Variants in CCDC93 observed in about 807,000 individuals in gnomAD.
The protein encoded by CCDC93 is CCC complex scaffolding subunit CCDC93.
In CCDC93, 61 loss-of-function variants were observed where a neutral mutation model predicts 108.2. The observed-to-expected ratio is 0.56, with a 90% confidence interval of 0.46 to 0.70. CCDC93 has a LOEUF of 0.70. Among genes scored for constraint, CCDC93 ranks in the 30% least tolerant of loss-of-function variants. The pLI is 0.00. For missense variants in CCDC93, 685 were observed against 764.2 expected (o/e 0.90, Z 1.22); for synonymous variants, 276 against 260.4 (o/e 1.06, Z -0.58).
intron 22 of CCDC93, among the ~76,000 whole-genome samples, chr2:117,932,428 T>C (rs1678371625): frequency 6.6e-6 from 1 of 152,218 alleles, no homozygotes; most frequent in Non-Finnish European, 1.5e-5. Context: ...AAATGCAACT[T>C]GGTGTCCCCA....
At chr2:117,995,208 T>C (rs144070137) in intron 6 of CCDC93, among the ~76,000 whole-genome samples, 1,864 of 152,280 alleles carry the variant, frequency 0.012, 35 homozygotes, top group East Asian at 0.059. Context: ...TGGCTATTCC[T>C]CCCTTAAAAG....
At position 117,919,619 on chromosome 2, in the gene CCDC93, A is replaced by T. The variant is rs1677795685; in HGVS notation, c.*724T>A. Reference sequence around the variant, plus strand: ...GCAGGGGAAGGTATAATTTTTATTGACGTGTCCTCAGCACAAGGTCTGTTT... The same window carrying T: ...GCAGGGGAAGGTATAATTTTTATTGTCGTGTCCTCAGCACAAGGTCTGTTT... On this transcript the variant is annotated 3_prime_UTR_variant, in exon 24 of 24. Coordinates refer to ENST00000376300, the MANE Select transcript of CCDC93 (RefSeq NM_019044.5). 2 of 152,196 alleles carry T rather than the reference A, an allele frequency of 1.3e-5. No individual in the cohort carries two copies. The highest frequency in any genetic ancestry group is 4.8e-5 in the African/African-American group (2 of 41,462). The allele number at this position is 152,196 out of a possible 1,614,324, so 9.4% of individuals were successfully genotyped here.
Position 117,920,157 on chromosome 2 carries a change from C to T in CCDC93, c.*186G>A. Reference sequence around the variant, plus strand: ...GTTATCCAAGCCACGTGTTTACTGTCTGACTCCATCAACAGCAGCCAACAG... The same window carrying T: ...GTTATCCAAGCCACGTGTTTACTGTTTGACTCCATCAACAGCAGCCAACAG... On this transcript the variant is annotated 3_prime_UTR_variant, in exon 24 of 24. Coordinates refer to ENST00000376300, the MANE Select transcript of CCDC93 (RefSeq NM_019044.5). 1.9e-6 allele frequency: 1 copy of T among 524,738 alleles called. No individual in the cohort carries two copies. The highest frequency in any genetic ancestry group is 2.8e-5 in the South Asian group (1 of 36,112). 32.5% of individuals were successfully genotyped at this position (524,738 alleles called of 1,614,324 possible).
chr2:117,975,087 TG>T (rs1203642033), intron 9 of CCDC93, 100 bp downstream of exon 9: 1 of 1,112,810 alleles, frequency 9.0e-7, no homozygotes, highest in African/African-American at 1.5e-5. Context: ...AGCAGCTGGC[TG>T]TGGGAGGTGG....
In CCDC93 at chr2:117,948,211, A is replaced by T. The variant is rs758300046; in HGVS notation, c.1143-25T>A. Reference sequence around the variant, plus strand: ...ACTGAAGAGAAAAGACAAAAAAATGACATATGGCAGGCCATTATGATTTTA... The same window carrying T: ...ACTGAAGAGAAAAGACAAAAAAATGTCATATGGCAGGCCATTATGATTTTA... On this transcript the variant is annotated intron_variant, in intron 14 of 23. Coordinates refer to ENST00000376300, the MANE Select transcript of CCDC93 (RefSeq NM_019044.5). 6 of 1,542,816 alleles carry T rather than the reference A, an allele frequency of 3.9e-6. No individual in the cohort carries two copies. The African/African-American group carries it at 8.2e-5, about 21-fold the overall frequency.
At chr2:117,949,696 T>C (rs1678990854) in intron 13 of CCDC93, 7 of 929,730 alleles carry the variant, frequency 7.5e-6, no homozygotes, top group East Asian at 1.2e-4. Flanking sequence ...GTGTTACTTA[T>C]TCAAAAATTA....
intron 11 of CCDC93, among the ~76,000 whole-genome samples, chr2:117,967,453 T>C (rs1288966864): frequency 6.6e-6 from 1 of 152,208 alleles, no homozygotes; most frequent in Non-Finnish European, 1.5e-5. Context: ...ATTTTCACTT[T>C]CTCTTGTTTC....
In CCDC93 at chr2:118,014,041, T is replaced by C. The variant is rs1426738600; in HGVS notation, c.-46A>G. The C allele has an allele frequency of 3.2e-6, 5 of 1,577,972 alleles. No homozygotes were observed. Among genetic ancestry groups the C allele is most frequent in the Non-Finnish European group, 4.3e-6 (5 of 1,163,026 alleles). ...AGGCGAGAGCGAAGCCCGCCAAGCG[T>C]CCGGAGGAAGCTGTCCCTGCCGCGG... On this transcript the variant is annotated 5_prime_UTR_variant, in exon 1 of 24. Coordinates refer to ENST00000376300, the MANE Select transcript of CCDC93 (RefSeq NM_019044.5).
At chr2:117,931,813 A>C (rs1190550701) in intron 22 of CCDC93, 1 of 152,228 alleles carries the variant, frequency 6.6e-6, no homozygotes, top group Admixed American at 6.5e-5. Flanking sequence ...TGATCTCATA[A>C]ATAGATGCTA....
chr2:117,931,974 G>A (rs1678349801), intron 22 of CCDC93, among the ~76,000 whole-genome samples: 1 of 152,168 alleles, frequency 6.6e-6, no homozygotes, highest in South Asian at 2.1e-4. Context: ...TTCACATTAA[G>A]CAAGCACCCT....
intron 23 of CCDC93, among the ~76,000 whole-genome samples, chr2:117,928,634 A>C (rs1197152943): frequency 6.6e-6 from 1 of 152,208 alleles, no homozygotes; most frequent in African/African-American, 2.4e-5. Flanking sequence ...GTATGTGGAG[A>C]AATAGGAACA....
chr2:117,920,332 G>C lies in CCDC93; in HGVS notation c.*11C>G. The stretch of plus-strand genomic sequence containing the variant: ...GTAAAATCAATGACATACAGCCACG[G>C]CTGGGGATGTTCAGGAGGCCTTCGC... On this transcript the variant is annotated 3_prime_UTR_variant, in exon 24 of 24. Coordinates refer to ENST00000376300, the MANE Select transcript of CCDC93 (RefSeq NM_019044.5). 6.2e-7 allele frequency: 1 copy of C among 1,606,394 alleles called. No homozygotes were observed.
chr2:117,933,146 G>C (rs144625367), intron 22 of CCDC93, among the ~76,000 whole-genome samples: 1 of 152,172 alleles, frequency 6.6e-6, no homozygotes, highest in Non-Finnish European at 1.5e-5. Context: ...TGAATGCTAC[G>C]TCCTTTAGCT....
intron 13 of CCDC93, among the ~76,000 whole-genome samples, chr2:117,951,885 C>T (rs1015229502): frequency 6.6e-6 from 1 of 152,160 alleles, no homozygotes; most frequent in Non-Finnish European, 1.5e-5. Flanking sequence ...CCTCCTTCTC[C>T]TCCTGCAGCC....
rs1047784252 is a variant in CCDC93, at chr2:117,918,524, T to C, written c.*1819A>G. 1 of 152,206 alleles carries C rather than the reference T, an allele frequency of 6.6e-6. No homozygotes were observed. Among genetic ancestry groups the C allele is most frequent in the Non-Finnish European group, 1.5e-5 (1 of 68,042 alleles). The allele number at this position is 152,206 out of a possible 1,614,324, so 9.4% of individuals were successfully genotyped here. ...ATGTCATCTGCCTCCCTACCACCTT[T>C]GGACAAATATTCAAATAACTGCCCC... On this transcript the variant is annotated 3_prime_UTR_variant, in exon 24 of 24. Coordinates refer to ENST00000376300, the MANE Select transcript of CCDC93 (RefSeq NM_019044.5).
intron 3 of CCDC93, among the ~76,000 whole-genome samples, chr2:118,006,205 G>A (rs1035132282): frequency 1.4e-4 from 22 of 152,254 alleles, no homozygotes; most frequent in African/African-American, 3.6e-4. Flanking sequence ...CTCTTCTGAC[G>A]GATAAAAGAA....
At chr2:117,959,442 T>G (rs1177349249) in intron 11 of CCDC93, among the ~76,000 whole-genome samples, 1 of 152,164 alleles carries the variant, frequency 6.6e-6, no homozygotes, top group Non-Finnish European at 1.5e-5. Context: ...CAAAAACCAT[T>G]TGGATATTCA....
At chr2:117,950,945 G>T (rs1679035815) in intron 13 of CCDC93, 1 of 985,280 alleles carries the variant, frequency 1.0e-6, no homozygotes, top group Non-Finnish European at 1.2e-6. Context: ...TATGCCCAGA[G>T]CAATGTTGGC....
chr2:117,974,051 G>C, intron 10 of CCDC93, 57 bp from the exon 11 acceptor site: 1 of 1,078,478 alleles, frequency 9.3e-7, no homozygotes, highest in Non-Finnish European at 1.4e-6. Context: ...CATAGCACTG[G>C]AAAATCTGAA....
Sources: allele counts gnomAD v4.1 joint callset (sites outside exome capture counted in the v4.1 genomes callset), GRCh38; gene constraint gnomAD v4.1.1; transcripts MANE v1.5; gene names NCBI Gene and HGNC (gene_info 2026-07-23, HGNC 2026-07-21).